The following VKORC1L1 variants were observed in gnomAD, a reference collection of about 807,000 sequenced individuals.
VKORC1L1 encodes vitamin K epoxide reductase complex subunit 1-like protein 1.
In VKORC1L1, 2 loss-of-function variants were observed where a neutral mutation model predicts 18.9. The ratio of observed to expected loss-of-function variants is 0.11; its 90% CI spans 0.04 to 0.33. The LOEUF (loss-of-function observed/expected upper bound fraction) is 0.33. VKORC1L1 is among the 10% of genes least tolerant of loss of function. The probability of loss-of-function intolerance (pLI) is 1.00; values close to 1 mark genes in which losing one functional copy is unlikely to be tolerated. For synonymous variants in VKORC1L1, 96 were observed against 100.0 expected, an observed-to-expected ratio of 0.96 and a Z score of 0.24; for missense variants, 123 against 224.1, an observed-to-expected ratio of 0.55 and a Z score of 2.88.
intron 1 of VKORC1L1, among the ~76,000 whole-genome samples, chr7:65,933,766 A>G (rs1047424041): frequency 6.6e-6 from 1 of 151,738 alleles, no homozygotes; most frequent in Admixed American, 6.6e-5. Flanking sequence ...TGCCTTTTAG[A>G]TATTGGTATT....
At chr7:65,870,150 C>T (rs1788708766), upstream of VKORC1L1, among the ~76,000 whole-genome samples, 1 of 151,270 alleles carries the variant, frequency 6.6e-6, no homozygotes, top group Non-Finnish European at 1.5e-5. Context: ...TATATGGGGG[C>T]CAGACATGGT....
At chr7:65,907,206 C>T (rs1018458714) in intron 1 of VKORC1L1, among the ~76,000 whole-genome samples, 5 of 152,000 alleles carry the variant, frequency 3.3e-5, no homozygotes, top group Admixed American at 2.6e-4. Flanking sequence ...TTTGGGAGGC[C>T]GAGGCAGGCA....
chr7:65,921,614 C>T lies in VKORC1L1; in HGVS notation c.195-27057C>T, dbSNP rs1254541561. Among the ~76,000 whole-genome samples the T allele has an allele frequency of 2.6e-5, 4 of 152,116 alleles. No homozygotes were observed. The East Asian group carries it at 7.7e-4, about 29-fold the overall frequency. On this transcript the variant is annotated intron_variant, in intron 1 of 2. Transcript: ENST00000360768. Reference sequence around the variant, plus strand: ...CTGCAATCCCAACACTTTGGGAGGCCAAGATAAGTGGATCATGAGGTCAGG... The same window carrying T: ...CTGCAATCCCAACACTTTGGGAGGCTAAGATAAGTGGATCATGAGGTCAGG...
chr7:65,871,816 C>T (rs1480255133), upstream of VKORC1L1, among the ~76,000 whole-genome samples: 1 of 151,814 alleles, frequency 6.6e-6, no homozygotes, highest in Non-Finnish European at 1.5e-5. Flanking sequence ...CTCATGAGAG[C>T]CTGAGCCAGA....
At chr7:65,910,270 C>T (rs1036564632) in intron 1 of VKORC1L1, among the ~76,000 whole-genome samples, 1 of 152,086 alleles carries the variant, frequency 6.6e-6, no homozygotes, top group Non-Finnish European at 1.5e-5. Flanking sequence ...TCTATTAGCA[C>T]ATAATAAAGA....
chr7:65,898,379 C>T (rs549566010), intron 1 of VKORC1L1, among the ~76,000 whole-genome samples: 16 of 152,058 alleles, frequency 1.1e-4, no homozygotes, highest in Admixed American at 2.6e-4. Flanking sequence ...CCACTACGCC[C>T]GGCCAGGTAG....
chr7:65,933,337 G>A (rs1244441384), intron 1 of VKORC1L1, among the ~76,000 whole-genome samples: 1 of 152,018 alleles, frequency 6.6e-6, no homozygotes, highest in Non-Finnish European at 1.5e-5. Flanking sequence ...ATTTAGGATT[G>A]TTTTATCCTT....
upstream of VKORC1L1, among the ~76,000 whole-genome samples, chr7:65,872,903 T>G (rs1465766794): frequency 6.6e-6 from 1 of 151,878 alleles, no homozygotes; most frequent in Non-Finnish European, 1.5e-5. Flanking sequence ...ATGTGCTAGT[T>G]AGACCGCTCC....
At position 65,903,040 on chromosome 7, in the gene VKORC1L1, A is replaced by G. The variant is rs527930027; in HGVS notation, c.194+29475A>G. Among the ~76,000 whole-genome samples the G allele has an allele frequency of 1.7e-4, 25 of 150,558 alleles. 1 individual carries two copies. Among genetic ancestry groups the G allele is most frequent in the African/African-American group, 5.9e-4 (24 of 40,886 alleles). On this transcript the variant is annotated intron_variant, in intron 1 of 2. Coordinates refer to ENST00000360768, the MANE Select transcript of VKORC1L1 (RefSeq NM_173517.6). ...TACCACCATGACTGGCTAATTTTGT[A>G]TTTTTAGTAGAGACGGGGTTTCTCC... is the stretch of plus-strand genomic sequence containing the variant.
Position 65,954,366 on chromosome 7 carries a change from T to TTTATTA in VKORC1L1, c.*87_*92dup, listed in dbSNP as rs35431841. On this transcript the variant is annotated 3_prime_UTR_variant, in exon 3 of 3. Transcript: ENST00000360768. The stretch of plus-strand genomic sequence containing the variant: ...CATTCAGTTTATTTTGCAGCAGGTT[T>TTTATTA]TTATTATTATTATTATTATTATTAT... 7.5e-4 allele frequency: 1,106 copies of TTTATTA among 1,477,118 alleles called. 2 individuals are homozygous for TTTATTA. In the East Asian group the frequency reaches 9.2e-3, roughly 12 times the overall value. The allele number at this position is 1,477,118 out of a possible 1,614,324, so 91.5% of individuals were successfully genotyped here.
Position 65,955,164 on chromosome 7 carries a change from C to G in VKORC1L1, c.*864C>G, listed in dbSNP as rs1448822849. 6.6e-6 allele frequency: 1 copy of G among 152,152 alleles called. No homozygotes were observed. Among genetic ancestry groups the G allele is most frequent in the Non-Finnish European group, 1.5e-5 (1 of 68,030 alleles). The allele number at this position is 152,152 out of a possible 1,614,324, so 9.4% of individuals were successfully genotyped here. ...TAAGGATGGGAAAATGGGTATTTTT[C>G]TTTGGAGAAAAGCTGGAAATATAAA... On this transcript the variant is annotated 3_prime_UTR_variant, in exon 3 of 3. Coordinates refer to ENST00000360768, the MANE Select transcript of VKORC1L1 (RefSeq NM_173517.6).
chr7:65,943,317 C>T (rs909986123), intron 1 of VKORC1L1, among the ~76,000 whole-genome samples: 2 of 152,064 alleles, frequency 1.3e-5, no homozygotes, highest in Non-Finnish European at 2.9e-5. Flanking sequence ...TGAGAGAAAC[C>T]AGTAAAATGA....
At chr7:65,891,590 ACTAG>A (rs1465514619) in intron 1 of VKORC1L1, among the ~76,000 whole-genome samples, 1 of 152,190 alleles carries the variant, frequency 6.6e-6, no homozygotes, top group Non-Finnish European at 1.5e-5. Context: ...TGTATCTATT[ACTAG>A]CTAGTGGCTG....
chr7:65,917,218 A>G (rs1455111682), intron 1 of VKORC1L1, among the ~76,000 whole-genome samples: 2 of 151,606 alleles, frequency 1.3e-5, no homozygotes, highest in African/African-American at 4.9e-5. Context: ...ATTAAGTCCT[A>G]TTGATTTTAC....
chr7:65,866,227 T>C, the VKORC1L1 span, among the ~76,000 whole-genome samples: 5 of 152,142 alleles, frequency 3.3e-5, no homozygotes, highest in African/African-American at 1.2e-4. Flanking sequence ...TCATAGGAGT[T>C]AGATTTGAAG....
upstream of VKORC1L1, among the ~76,000 whole-genome samples, chr7:65,872,589 A>C (rs180985581): frequency 1.1e-3 from 163 of 152,300 alleles, no homozygotes; most frequent in African/African-American, 3.8e-3. Context: ...CGGCCTCCCA[A>C]AGTGTTGGGA....
At chr7:65,921,510 C>T (rs1384025890) in intron 1 of VKORC1L1, among the ~76,000 whole-genome samples, 1 of 152,120 alleles carries the variant, frequency 6.6e-6, no homozygotes, top group Non-Finnish European at 1.5e-5. Context: ...TTCACCTTCT[C>T]AAGTAGTTGA....
intron 1 of VKORC1L1, among the ~76,000 whole-genome samples, chr7:65,930,626 A>G (rs778548569): frequency 2.0e-5 from 3 of 152,228 alleles, no homozygotes; most frequent in Middle Eastern, 3.4e-3. Flanking sequence ...CCATTTTTGT[A>G]TTCAGTCTCA....
At chr7:65,924,178 A>G (rs752754247) in intron 1 of VKORC1L1, among the ~76,000 whole-genome samples, 8 of 152,202 alleles carry the variant, frequency 5.3e-5, no homozygotes, top group East Asian at 1.9e-4. Context: ...ATCTTCATAC[A>G]TGGCTTACTG....
Sources: allele counts gnomAD v4.1 joint callset (sites outside exome capture counted in the v4.1 genomes callset), GRCh38; gene constraint gnomAD v4.1.1; transcripts MANE v1.5; gene names NCBI Gene and HGNC (gene_info 2026-07-23, HGNC 2026-07-21).